The following GPC3 variants were observed in gnomAD, a reference collection of about 807,000 sequenced individuals.
GPC3 encodes glypican-3.
A neutral mutation model predicts 34.4 loss-of-function variants in GPC3; 3 were observed. The ratio of observed to expected loss-of-function variants is 0.09; its 90% CI spans 0.04 to 0.23. The LOEUF is 0.23. GPC3 is among the 10% of genes least tolerant of loss of function. The pLI is 1.00. For synonymous variants in GPC3, 177 were observed against 174.0 expected, an observed-to-expected ratio of 1.02 and a Z score of -0.13; for missense variants, 351 against 445.6, an observed-to-expected ratio of 0.79 and a Z score of 1.91.
intron 1 of GPC3, among the ~76,000 whole-genome samples, chrX:133,961,222 G>A (rs2076440013): frequency 9.0e-6 from 1 of 111,276 alleles, no homozygotes; most frequent in South Asian, 3.8e-4. Context: ...GGGCGCACCT[G>A]GGTATCAGGA....
chrX:133,667,477 T>C (rs1327310006), intron 5 of GPC3, among the ~76,000 whole-genome samples: 1 of 111,697 alleles, frequency 9.0e-6, no homozygotes, highest in Non-Finnish European at 1.9e-5. Flanking sequence ...TGGGGCAATG[T>C]TCACAATGTC....
intron 1 of GPC3, among the ~76,000 whole-genome samples, chrX:133,982,875 G>A (rs1448774409): frequency 1.8e-5 from 2 of 112,104 alleles, no homozygotes; most frequent in African/African-American, 3.2e-5. Flanking sequence ...ACCACTGAAC[G>A]ACAGCAGCAA....
intron 3 of GPC3, among the ~76,000 whole-genome samples, chrX:133,750,389 T>C (rs2071654616): frequency 8.9e-6 from 1 of 112,119 alleles, no homozygotes; most frequent in African/African-American, 3.2e-5. Flanking sequence ...TATTACATTG[T>C]AGCAGCAGAA....
At chrX:133,650,483 A>G (rs1204175704) in intron 6 of GPC3, among the ~76,000 whole-genome samples, 1 of 110,503 alleles carries the variant, frequency 9.0e-6, no homozygotes, top group Non-Finnish European at 1.9e-5. Flanking sequence ...ACACACACAC[A>G]CACACATATA....
intron 2 of GPC3, among the ~76,000 whole-genome samples, chrX:133,791,846 T>TCCC (rs2072166342): frequency 1.1e-5 from 1 of 93,695 alleles, no homozygotes; most frequent in African/African-American, 4.5e-5. Context: ...CCTTCCTTCC[T>TCCC]TCCTCCCTCC....
Position 133,985,463 on chromosome X carries a change from G to A in GPC3, c.-14C>T, listed in dbSNP as rs2076564420. ...GGTCCCGGCCATCCTGCTTCGCAGG[G>A]AGCTAGGAGAGCGCGGGAGAGTGGC... On this transcript the variant is annotated 5_prime_UTR_variant, in exon 1 of 8. Coordinates refer to ENST00000370818, the MANE Select transcript of GPC3 (RefSeq NM_004484.4). 1 of 1,163,381 alleles carries A rather than the reference G, an allele frequency of 8.6e-7. No homozygotes were observed. Among genetic ancestry groups the A allele is most frequent in the Non-Finnish European group, 1.1e-6 (1 of 870,451 alleles).
At chrX:133,768,623 C>T (rs2071877478) in intron 2 of GPC3, among the ~76,000 whole-genome samples, 1 of 111,736 alleles carries the variant, frequency 8.9e-6, no homozygotes, top group African/African-American at 3.3e-5. Flanking sequence ...ACCCAAGTGT[C>T]CCTTGACAGA....
At chrX:133,918,375 A>G (rs2076233684) in intron 2 of GPC3, among the ~76,000 whole-genome samples, 1 of 112,597 alleles carries the variant, frequency 8.9e-6, no homozygotes, top group African/African-American at 3.2e-5. Flanking sequence ...AACTGAAACC[A>G]TAGTATACTG....
chrX:133,909,974 T>C (rs2076189802), intron 2 of GPC3, among the ~76,000 whole-genome samples: 3 of 111,811 alleles, frequency 2.7e-5, no homozygotes, highest in Non-Finnish European at 5.6e-5. Flanking sequence ...TCTCAGAGAA[T>C]GAGCAGATAC....
intron 2 of GPC3, among the ~76,000 whole-genome samples, chrX:133,802,870 C>T (rs1422734843): frequency 2.8e-5 from 3 of 106,257 alleles, no homozygotes; most frequent in African/African-American, 1.0e-4. Context: ...GAGTAAAAGA[C>T]TTGGAGATGT....
intron 6 of GPC3, among the ~76,000 whole-genome samples, chrX:133,609,295 G>T (rs951894719): frequency 2.3e-4 from 26 of 112,323 alleles, no homozygotes; most frequent in Non-Finnish European, 3.8e-4. Context: ...TCTTATGCGG[G>T]CCATTGGCAA....
chrX:133,899,836 T>C (rs1191549562), intron 2 of GPC3, among the ~76,000 whole-genome samples: 1 of 111,851 alleles, frequency 8.9e-6, no homozygotes, highest in Non-Finnish European at 1.9e-5. Context: ...AGAGTCTCAC[T>C]CTGTCACCCA....
chrX:133,827,170 T>G (rs1365007210), intron 2 of GPC3, among the ~76,000 whole-genome samples: 1 of 111,651 alleles, frequency 9.0e-6, no homozygotes, highest in Non-Finnish European at 1.9e-5. Flanking sequence ...AAACAAAAAC[T>G]GAGAGAATTT....
At chrX:133,849,022 G>C (rs5975430) in intron 2 of GPC3, among the ~76,000 whole-genome samples, 13,333 of 104,751 alleles carry the variant, frequency 0.13, 1,629 homozygotes, top group African/African-American at 0.38. Flanking sequence ...ATAAAATACC[G>C]TTTACAAGAG....
chrX:133,959,043 A>G (rs1256654090), intron 1 of GPC3, among the ~76,000 whole-genome samples: 1 of 111,729 alleles, frequency 9.0e-6, no homozygotes, highest in African/African-American at 3.3e-5. Flanking sequence ...TGAGCTATGG[A>G]AGCTTTTCTT....
chrX:133,686,890 G>A (rs755097500), intron 5 of GPC3, among the ~76,000 whole-genome samples: 78 of 108,772 alleles, frequency 7.2e-4, no homozygotes, highest in African/African-American at 2.4e-3. Context: ...GACTGCTGGG[G>A]AAGAGATGGG....
chrX:133,655,578 C>T (rs777893677), intron 6 of GPC3, among the ~76,000 whole-genome samples: 1 of 111,115 alleles, frequency 9.0e-6, no homozygotes, highest in Admixed American at 9.6e-5. Flanking sequence ...TCTGCCATGT[C>T]ACTTGTGAAC....
chrX:133,782,817 T>C, intron 2 of GPC3, among the ~76,000 whole-genome samples: 1 of 111,733 alleles, frequency 8.9e-6, no homozygotes, highest in Non-Finnish European at 1.9e-5. Context: ...CATATAAATG[T>C]CTGTGCCTAG....
chrX:133,583,067 C>T (rs1432660104), intron 7 of GPC3, among the ~76,000 whole-genome samples: 1 of 111,496 alleles, frequency 9.0e-6, no homozygotes, highest in African/African-American at 3.3e-5. Context: ...CGTAAGGATC[C>T]GTTTTCTTAG....
Sources: allele counts gnomAD v4.1 joint callset (sites outside exome capture counted in the v4.1 genomes callset), GRCh38; gene constraint gnomAD v4.1.1; transcripts MANE v1.5; gene names NCBI Gene and HGNC (gene_info 2026-07-23, HGNC 2026-07-21).